The following SH3PXD2B variants were observed in gnomAD, a reference collection of about 807,000 sequenced individuals.
The protein encoded by SH3PXD2B is SH3 and PX domain-containing protein 2B.
SH3PXD2B carries 37 observed loss-of-function variants against 73.1 expected under a neutral mutation model. That is an observed-to-expected ratio of 0.51 (90% CI 0.39 to 0.67). The LOEUF (loss-of-function observed/expected upper bound fraction) is 0.67, where lower values mean the gene tolerates loss of function less well. Among genes scored for constraint, SH3PXD2B ranks in the 30% least tolerant of loss-of-function variants. The pLI is 0.00. For missense variants in SH3PXD2B, 1,053 were observed against 1,197.8 expected (o/e 0.88, Z 1.78); for synonymous variants, 457 against 480.5 (o/e 0.95, Z 0.64).
chr5:172,391,024 A>T (rs1423626518), intron 4 of SH3PXD2B, among the ~76,000 whole-genome samples: 2 of 152,068 alleles, frequency 1.3e-5, no homozygotes, highest in Non-Finnish European at 2.9e-5. Flanking sequence ...TATTTTTAGT[A>T]GAGATGGGGT....
At chr5:172,451,427 GT>G in intron 1 of SH3PXD2B, among the ~76,000 whole-genome samples, 1 of 152,312 alleles carries the variant, frequency 6.6e-6, no homozygotes, top group South Asian at 2.1e-4. Context: ...GGCCTTTTGG[GT>G]GTCACAATTG....
intron 2 of SH3PXD2B, among the ~76,000 whole-genome samples, chr5:172,408,205 T>G (rs1429044626): frequency 6.6e-6 from 1 of 152,102 alleles, no homozygotes; most frequent in Non-Finnish European, 1.5e-5. Context: ...GGTTTATTAA[T>G]CTTTATCGTT....
chr5:172,365,050 C>T (rs1413634206), intron 6 of SH3PXD2B, among the ~76,000 whole-genome samples: 1 of 152,210 alleles, frequency 6.6e-6, no homozygotes, highest in East Asian at 1.9e-4. Flanking sequence ...TGCCCATGCT[C>T]TGGCCACTCC....
intron 8 of SH3PXD2B, 78 bp downstream of exon 8, chr5:172,358,695 T>G: frequency 7.6e-7 from 1 of 1,312,882 alleles, no homozygotes; most frequent in Non-Finnish European, 1.1e-6. Context: ...AAGAAGAGAT[T>G]GGATGAAAAG....
Position 172,394,670 on chromosome 5 carries a change from T to G in SH3PXD2B, c.233-31A>C, listed in dbSNP as rs202056472. 234 of 1,611,686 alleles carry G rather than the reference T, an allele frequency of 1.5e-4. 1 individual carries two copies. The East Asian group carries it at 5.0e-3, about 35-fold the overall frequency. ...GAAGATGAGAGCAAAGACAGTGTTG[T>G]CAGGGAACAGGGACAAGCTCTCAGC... On this transcript the variant is annotated intron_variant, in intron 3 of 12. Coordinates refer to ENST00000311601, the MANE Select transcript of SH3PXD2B (RefSeq NM_001017995.3).
Position 172,335,031 on chromosome 5 carries a change from C to T in SH3PXD2B, c.*3338G>A, listed in dbSNP as rs1756654263. 1 of 985,474 alleles carries T rather than the reference C, an allele frequency of 1.0e-6. No individual in the cohort carries two copies. Among genetic ancestry groups the T allele is most frequent in the Non-Finnish European group, 1.2e-6 (1 of 829,968 alleles). The allele number at this position is 985,474 out of a possible 1,614,324, so 61.0% of individuals were successfully genotyped here. A position where few individuals can be genotyped will look rare whatever the true frequency, so the allele number is the denominator to read the frequency against. ...AAAAGCGGTTTAAGCTGGAGCTCAG[C>T]TCTCCCGCAGTCTCAGCTGGGACGA... On this transcript the variant is annotated 3_prime_UTR_variant, in exon 13 of 13. Coordinates refer to ENST00000311601, the MANE Select transcript of SH3PXD2B (RefSeq NM_001017995.3).
intron 1 of SH3PXD2B, among the ~76,000 whole-genome samples, chr5:172,431,074 C>G (rs1296059699): frequency 6.6e-6 from 1 of 152,104 alleles, no homozygotes; most frequent in African/African-American, 2.4e-5. Context: ...ACCATGTTCC[C>G]AAGGCTGGTC....
intron 6 of SH3PXD2B, among the ~76,000 whole-genome samples, chr5:172,370,330 C>T (rs912203074): frequency 6.6e-6 from 1 of 152,208 alleles, no homozygotes; most frequent in Non-Finnish European, 1.5e-5. Flanking sequence ...CACAGTTGCA[C>T]CACATACAAT....
chr5:172,348,329 G>A lies in SH3PXD2B; in HGVS notation c.1013-997C>T, dbSNP rs142880795. Among the ~76,000 whole-genome samples, 453 of 151,892 alleles carry A rather than the reference G, an allele frequency of 3.0e-3. 1 individual carries two copies. The highest frequency in any genetic ancestry group is 5.5e-3 in the Non-Finnish European group (377 of 67,940). On this transcript the variant is annotated intron_variant, in intron 10 of 12. Coordinates refer to ENST00000311601, the MANE Select transcript of SH3PXD2B (RefSeq NM_001017995.3). The stretch of plus-strand genomic sequence containing the variant: ...ATGCAACCTGGGATGGGAAAGCAAC[G>A]CCTTTTTTTTTTTAAATGGAGTTTC...
Position 172,362,806 on chromosome 5 carries a change from T to C in SH3PXD2B, c.491A>G (p.Gln164Arg), listed in dbSNP as rs1248371137. The part of the protein sequence containing the change: ...LEQYVVVANY[Q>R]KQESSEISLS... The stretch of plus-strand genomic sequence containing the variant: ...GCTGATCTCCGAACTCTCCTGCTTC[T>C]GGTAGTTGGCTACCACCACATACTG... Residue 164 changes from glutamine (Q) to arginine (R), a missense_variant, in exon 7 of 13, where the codon CAG becomes CGG. Coordinates refer to ENST00000311601, the MANE Select transcript of SH3PXD2B (RefSeq NM_001017995.3). The C allele has an allele frequency of 2.5e-6, 4 of 1,614,190 alleles. No individual in the cohort carries two copies. In the East Asian group the frequency reaches 8.9e-5, roughly 36 times the overall value.
intron 6 of SH3PXD2B, among the ~76,000 whole-genome samples, chr5:172,366,206 C>T (rs778558508): frequency 2.6e-5 from 4 of 152,178 alleles, no homozygotes; most frequent in Non-Finnish European, 5.9e-5. Flanking sequence ...CTGTGCAGTG[C>T]TCCATCACCT....
At chr5:172,347,660 C>G (rs1483106289) in intron 10 of SH3PXD2B, among the ~76,000 whole-genome samples, 1 of 149,324 alleles carries the variant, frequency 6.7e-6, no homozygotes, top group Non-Finnish European at 1.5e-5. Flanking sequence ...CCCAATCCAG[C>G]TCTGAGGCTC....
At chr5:172,425,403 G>A (rs1033347290) in intron 1 of SH3PXD2B, among the ~76,000 whole-genome samples, 1 of 152,176 alleles carries the variant, frequency 6.6e-6, no homozygotes, top group African/African-American at 2.4e-5. Context: ...GGTAGGTGGA[G>A]GGGCTGGCTA....
chr5:172,342,790 G>A (rs1756889231), intron 12 of SH3PXD2B, among the ~76,000 whole-genome samples: 1 of 152,116 alleles, frequency 6.6e-6, no homozygotes, highest in African/African-American at 2.4e-5. Context: ...CTTGGAGAAG[G>A]GCTGTGTCCG....
Position 172,338,259 on chromosome 5 carries a change from AGTCT to A in SH3PXD2B, c.*106_*109del. Reference sequence around the variant, plus strand: ...GAGGCAAGAAGTCACAGTACCCCAGAGTCTGTCTGCCTTGGAAGCTGCGTGGAGA... The same window carrying A: ...GAGGCAAGAAGTCACAGTACCCCAGAGTCTGCCTTGGAAGCTGCGTGGAGA... On this transcript the variant is annotated 3_prime_UTR_variant, in exon 13 of 13. Transcript: ENST00000311601. This position sits in a 1 kb window ranked among gnomAD's most constrained non-coding sequence, Gnocchi z 5.1. 1 of 1,594,728 alleles carries A rather than the reference AGTCT, an allele frequency of 6.3e-7. No individual in the cohort carries two copies. The highest frequency in any genetic ancestry group is 8.5e-7 in the Non-Finnish European group (1 of 1,172,348).
chr5:172,329,540 C>CTTTTTTTTTTTT (rs370876232), downstream of SH3PXD2B, among the ~76,000 whole-genome samples: 174 of 106,438 alleles, frequency 1.6e-3, 19 homozygotes, highest in Non-Finnish European at 2.5e-3. Flanking sequence ...CTTTGTTATT[C>CTTTTTTTTTTTT]TTTTTTTTTT....
chr5:172,339,755 C>T lies in SH3PXD2B; in HGVS notation c.1350G>A (p.Gly450=). Residue 450 remains glycine (G), a synonymous_variant, in exon 13 of 13, where the codon GGG becomes GGA. Transcript: ENST00000311601. The surrounding 1 kb of genome is among the most constrained non-coding windows in gnomAD (Gnocchi z 6.1). ...TGTTGTTCTCCAGCGCTGCTGCTTC[C>T]CCCAGCCGGAGCTGGGTCACCTCGT... ...LPHEVTQLRL[G]EAAALENNTG... The T allele has an allele frequency of 6.2e-7, 1 of 1,613,346 alleles. No individual in the cohort carries two copies. The highest frequency in any genetic ancestry group is 8.5e-7 in the Non-Finnish European group (1 of 1,179,292).
rs746135651 is a variant in SH3PXD2B, at chr5:172,347,272, G to C, written c.1062+11C>G. 16 of 1,613,998 alleles carry C rather than the reference G, an allele frequency of 9.9e-6. No individual in the cohort carries two copies. The highest frequency in any genetic ancestry group is 1.3e-5 in the Non-Finnish European group (15 of 1,179,980). On this transcript the variant is annotated intron_variant, in intron 11 of 12. Transcript: ENST00000311601. ...TCAGTGGCCACTCCCCAGTAGCGAGGATCCACTTACAATGGTCATGTCCCG... is the reference window on the plus strand; with the variant it reads ...TCAGTGGCCACTCCCCAGTAGCGAGCATCCACTTACAATGGTCATGTCCCG...
chr5:172,447,034 A>G (rs2113517235), intron 1 of SH3PXD2B, among the ~76,000 whole-genome samples: 1 of 152,280 alleles, frequency 6.6e-6, no homozygotes, highest in South Asian at 2.1e-4. Context: ...CCTTTGGGAC[A>G]GGATGGGGCA....
Sources: gnomAD v4.1 joint callset for allele counts (sites outside exome capture counted in the v4.1 genomes callset) on GRCh38, gnomAD v4.1.1 for gene constraint, Gnocchi (gnomAD v3.1) non-coding constraint, MANE v1.5 for transcripts, NCBI Gene and HGNC (gene_info 2026-07-23, HGNC 2026-07-21) for gene names.